The following ZFYVE16 variants were observed in gnomAD, a reference collection of about 807,000 sequenced individuals.
The protein encoded by ZFYVE16 is zinc finger FYVE-type containing 16, also known as zinc finger FYVE domain-containing protein 16.
Under a neutral mutation model 138.1 loss-of-function variants are expected in ZFYVE16, and 89 were observed. The observed-to-expected ratio is 0.64, with a 90% CI of 0.54 to 0.77. The LOEUF (loss-of-function observed/expected upper bound fraction) is 0.77, where lower values mean the gene tolerates loss of function less well. Ranked by LOEUF, ZFYVE16 falls within the 30% of genes least tolerant of loss-of-function variation. The probability of loss-of-function intolerance (pLI) is 0.00; values close to 1 mark genes in which losing one functional copy is unlikely to be tolerated. For synonymous variants in ZFYVE16, 596 were observed against 618.3 expected (o/e 0.96, Z 0.53); for missense variants, 1,793 against 1,786.7 (o/e 1.00, Z -0.06).
At position 80,438,080 on chromosome 5, in the gene ZFYVE16, T is replaced by C. The variant is rs757634890; in HGVS notation, c.1395T>C (p.Ala465=). Residue 465 remains alanine (A), a synonymous_variant, in exon 4 of 19, where the codon GCT becomes GCC. Coordinates refer to ENST00000505560, the MANE Select transcript of ZFYVE16 (RefSeq NM_001284236.3). ...KIDPDQTVIR[A]ESLDGGDTSS... is the part of the protein sequence containing the mutation. ...ATCCTGACCAGACAGTAATCAGAGCTGAGTCTTTGGATGGTGGTGACACCA... is the reference window on the plus strand; with the variant it reads ...ATCCTGACCAGACAGTAATCAGAGCCGAGTCTTTGGATGGTGGTGACACCA... The C allele has an allele frequency of 1.2e-6, 2 of 1,614,108 alleles. No homozygotes were observed. Among genetic ancestry groups the C allele is most frequent in the Non-Finnish European group, 1.7e-6 (2 of 1,179,974 alleles).
chr5:80,468,543 G>A (rs989925419), intron 15 of ZFYVE16, among the ~76,000 whole-genome samples: 2 of 152,134 alleles, frequency 1.3e-5, no homozygotes, highest in African/African-American at 4.8e-5. Context: ...AAAAAATACT[G>A]TACTATAATC....
chr5:80,473,854 A>G lies in ZFYVE16; in HGVS notation c.4288A>G (p.Thr1430Ala), dbSNP rs763039874. 9.3e-6 allele frequency: 15 copies of G among 1,610,518 alleles called. 1 individual carries two copies. In the South Asian group the frequency reaches 1.3e-4, roughly 14 times the overall value. ...FETDEKIVKC[T>A]EVFYFLKDQD... ...AACCGATGAGAAGATTGTAAAATGT[A>G]CCGAGGTAACTAAGAAAGAAGGTCC... The change falls in exon 17 of 19, where the codon ACC (threonine) becomes GCC (alanine). Residue 1430 changes from threonine to alanine, a missense_variant. By Grantham distance (58) the Thr-to-Ala change is moderately conservative. Around this residue, in one of 2 missense-constraint regions of ZFYVE16, gnomAD observed 498 missense variants for 582.4 expected, o/e 0.86. Transcript: ENST00000505560.
intron 2 of ZFYVE16, among the ~76,000 whole-genome samples, chr5:80,429,133 A>G (rs1748592624): frequency 6.6e-6 from 1 of 152,224 alleles, no homozygotes; most frequent in African/African-American, 2.4e-5. Flanking sequence ...CGAGAAGAGC[A>G]ACTCCAAGAC....
intron 16 of ZFYVE16, 43 bp from the exon 17 acceptor site, chr5:80,473,711 C>A: frequency 7.2e-7 from 1 of 1,389,182 alleles, no homozygotes; most frequent in Non-Finnish European, 9.9e-7. Context: ...TTCAAAAACA[C>A]ATTGGTGCTA....
intron 15 of ZFYVE16, among the ~76,000 whole-genome samples, chr5:80,460,886 AATC>A (rs1753030912): frequency 6.6e-6 from 1 of 152,232 alleles, no homozygotes; most frequent in Admixed American, 6.5e-5. Context: ...ACATTAATGA[AATC>A]ATCACCCACC....
chr5:80,470,085 G>A (rs1438118436), intron 15 of ZFYVE16, among the ~76,000 whole-genome samples: 15 of 73,430 alleles, frequency 2.0e-4, no homozygotes, highest in Admixed American at 3.6e-4. Context: ...GTGTGTGTGT[G>A]TGTGTGTGTG....
At position 80,436,767 on chromosome 5, in the gene ZFYVE16, T is replaced by C; in HGVS notation, c.82T>C (p.Tyr28His). The change falls in exon 4 of 19, where the codon TAT becomes CAT. Residue 28 changes from tyrosine (Y) to histidine (H), a missense_variant. This residue lies in a region of ZFYVE16 where 1,295 missense variants were observed against 1,204.3 expected (regional missense o/e 1.08). Transcript: ENST00000505560. Reference protein sequence around the residue: ...DFEQNPDEQDYLQDVQNAYDS... With the variant: ...DFEQNPDEQDHLQDVQNAYDS... ...TTTCTCTATTTCAGATGAACAAGAT[T>C]ATCTCCAAGATGTACAAAATGCATA... is the stretch of plus-strand genomic sequence containing the variant. 6.2e-7 allele frequency: 1 copy of C among 1,607,790 alleles called. No individual in the cohort carries two copies. The highest frequency in any genetic ancestry group is 8.5e-7 in the Non-Finnish European group (1 of 1,176,418).
chr5:80,449,817 G>C, intron 9 of ZFYVE16, 104 bp downstream of exon 9: 1 of 1,296,054 alleles, frequency 7.7e-7, no homozygotes. Context: ...AAATAAGCAG[G>C]ATTGGATATT....
chr5:80,455,706 C>T lies in ZFYVE16; in HGVS notation c.3622C>T (p.Leu1208=), dbSNP rs142705292. 3.7e-6 allele frequency: 6 copies of T among 1,601,966 alleles called. No homozygotes were observed. Among genetic ancestry groups the T allele is most frequent in the Non-Finnish European group, 4.2e-6 (5 of 1,176,900 alleles). The change falls in exon 12 of 19, where the codon CTA becomes TTA. Residue 1208 remains leucine (L), a synonymous_variant. Transcript: ENST00000505560. ...GAEYKAYPAP[L]TSIRGRKPLF... ...CTTATGTATAGCATATCCTGCTCCT[C>T]TAACAAGCATCAGAGGCCGAAAACC...
At chr5:80,450,225 T>G (rs1184116617) in intron 9 of ZFYVE16, among the ~76,000 whole-genome samples, 1 of 150,640 alleles carries the variant, frequency 6.6e-6, no homozygotes, top group Non-Finnish European at 1.5e-5. Flanking sequence ...CATCTTTTAT[T>G]TTAGTGTTAT....
At chr5:80,445,761 AC>A (rs1751263511) in intron 7 of ZFYVE16, among the ~76,000 whole-genome samples, 1 of 45,616 alleles carries the variant, frequency 2.2e-5, no homozygotes, top group South Asian at 7.6e-4. Flanking sequence ...TTTTTTAATT[AC>A]TTTTTTTTTT....
At position 80,445,309 on chromosome 5, in the gene ZFYVE16, A is replaced by G. The variant is rs1751185679; in HGVS notation, c.2628A>G (p.Ile876Met). The change falls in exon 7 of 19, where the codon ATA (isoleucine) becomes ATG (methionine). Residue 876 changes from isoleucine (I) to methionine (M), a missense_variant. This residue lies in a region of ZFYVE16 where 1,295 missense variants were observed against 1,204.3 expected (regional missense o/e 1.08). Transcript: ENST00000505560. Reference sequence around the variant, plus strand: ...AGAGAGTATGGTTTGCAGATGGTATATTGCCCAATGGTGAAGTTGCAGATA... The same window carrying G: ...AGAGAGTATGGTTTGCAGATGGTATGTTGCCCAATGGTGAAGTTGCAGATA... ...EQKRVWFADG[I>M]LPNGEVADTT... 1 of 1,614,036 alleles carries G rather than the reference A, an allele frequency of 6.2e-7. No individual in the cohort carries two copies. The highest frequency in any genetic ancestry group is 1.1e-5 in the South Asian group (1 of 91,076).
intron 2 of ZFYVE16, 30 bp downstream of exon 2, chr5:80,427,575 A>T (rs967750616): frequency 2.8e-5 from 4 of 140,900 alleles, no homozygotes; most frequent in African/African-American, 7.7e-5. Flanking sequence ...CTTTTCATAA[A>T]ACTAACTGTT....
chr5:80,408,943 G>A (rs946723683), intron 1 of ZFYVE16, among the ~76,000 whole-genome samples: 5 of 151,094 alleles, frequency 3.3e-5, no homozygotes, highest in African/African-American at 1.2e-4. Context: ...GAGTTTAATG[G>A]TTTAATCCAG....
At chr5:80,443,826 G>A (rs752104307) in intron 6 of ZFYVE16, 2 of 456,162 alleles carry the variant, frequency 4.4e-6, no homozygotes, top group Non-Finnish European at 8.8e-6. Context: ...ACCAAAGCCA[G>A]TAACAAGAGA....
At chr5:80,432,789 A>G (rs959891248) in intron 2 of ZFYVE16, among the ~76,000 whole-genome samples, 2 of 152,238 alleles carry the variant, frequency 1.3e-5, no homozygotes, top group Admixed American at 6.5e-5. Flanking sequence ...AAGGATATGA[A>G]CAGACACTTC....
chr5:80,465,424 T>TTTTTTTTTTTTTTTA (rs1753636729), intron 15 of ZFYVE16, among the ~76,000 whole-genome samples: 2 of 136,300 alleles, frequency 1.5e-5, no homozygotes, highest in Admixed American at 7.7e-5. Flanking sequence ...TTTTTTTTTT[T>TTTTTTTTTTTTTTTA]GAGACAGGAT....
intron 5 of ZFYVE16, chr5:80,440,573 A>G (rs1410353061): frequency 2.0e-5 from 20 of 984,020 alleles, no homozygotes; most frequent in Non-Finnish European, 2.3e-5. Flanking sequence ...AGAATTTTGC[A>G]TATGTACACT....
intron 5 of ZFYVE16, chr5:80,441,058 G>A (rs1750652134): frequency 2.0e-6 from 2 of 985,234 alleles, no homozygotes; most frequent in Non-Finnish European, 2.4e-6. Flanking sequence ...GAAGAGGTTA[G>A]TTTAAGTGCT....
Sources: gnomAD v4.1 joint callset for allele counts (sites outside exome capture counted in the v4.1 genomes callset) on GRCh38, gnomAD v4.1.1 for gene constraint, gnomAD v4.1.1 regional missense constraint, MANE v1.5 for transcripts, NCBI Gene and HGNC (gene_info 2026-07-23, HGNC 2026-07-21) for gene names.